Variants in SLIT2 observed in about 807,000 individuals in gnomAD.
SLIT2 encodes slit guidance ligand 2, also known as slit homolog 2 protein.
In SLIT2, 41 loss-of-function variants were observed where a neutral mutation model predicts 185.7. That is an observed-to-expected ratio of 0.22 (90% CI 0.17 to 0.29). The LOEUF is 0.29. Among genes scored for constraint, SLIT2 ranks in the 10% least tolerant of loss-of-function variants. The pLI is 1.00. For missense variants in SLIT2, 1,571 were observed against 1,909.0 expected, an observed-to-expected ratio of 0.82 and a Z score of 3.30; for synonymous variants, 693 against 680.2, an observed-to-expected ratio of 1.02 and a Z score of -0.29.
intron 4 of SLIT2, among the ~76,000 whole-genome samples, chr4:20,271,467 T>C (rs1022632875): frequency 6.9e-5 from 10 of 144,078 alleles, no homozygotes; most frequent in Non-Finnish European, 1.4e-4. Context: ...TATATAATAT[T>C]TATATATAAT....
At chr4:20,345,597 G>A (rs181935913) in intron 4 of SLIT2, among the ~76,000 whole-genome samples, 6 of 139,582 alleles carry the variant, frequency 4.3e-5, no homozygotes, top group African/African-American at 8.2e-5. Flanking sequence ...GTGCAGTGGC[G>A]TGATCTTGGC....
intron 4 of SLIT2, among the ~76,000 whole-genome samples, chr4:20,372,836 T>C (rs1723709568): frequency 6.6e-6 from 1 of 152,100 alleles, no homozygotes; most frequent in Non-Finnish European, 1.5e-5. Context: ...CTTTAATTTC[T>C]CTCTTTTTAC....
Position 20,589,686 on chromosome 4 carries a change from T to C in SLIT2, c.3131T>C (p.Leu1044Pro), listed in dbSNP as rs759963154. 3.0e-5 allele frequency: 48 copies of C among 1,613,844 alleles called. 1 individual carries two copies. The South Asian group carries it at 5.2e-4, about 17-fold the overall frequency. The change falls in exon 30 of 37, where the codon CTG becomes CCG. Residue 1044 changes from leucine (L) to proline (P), a missense_variant. This residue lies in a region of SLIT2 where 1,202 missense variants were observed against 1,416.4 expected (regional missense o/e 0.85). Transcript: ENST00000504154. ...EEKLDFCAQD[L>P]NPCQHDSKCI... ...AAGCTGGACTTCTGTGCCCAGGACC[T>C]GAACCCCTGCCAGCACGATTCAAAG...
At position 20,546,108 on chromosome 4, in the gene SLIT2, C is replaced by T. The variant is rs371988827; in HGVS notation, c.2345+9C>T. On this transcript the variant is annotated intron_variant, in intron 22 of 36. Transcript: ENST00000504154. ...AAACATTTAACACTTATGTGAGTAA[C>T]ATATTGCACTTTTCTTTGACTTACT... The T allele has an allele frequency of 4.0e-6, 6 of 1,505,900 alleles. No individual in the cohort carries two copies. The highest frequency in any genetic ancestry group is 2.3e-5 in the East Asian group (1 of 42,976). 93.3% of individuals were successfully genotyped at this position (1,505,900 alleles called of 1,614,324 possible). A position where few individuals can be genotyped will look rare whatever the true frequency, so the allele number is the denominator to read the frequency against.
rs367558532 is a variant in SLIT2, at chr4:20,253,919, C to T, written c.104C>T (p.Ser35Leu). Residue 35 changes from serine (S) to leucine (L), a missense_variant, in exon 1 of 37, where the codon TCG becomes TTG. Physicochemically the swap from Ser to Leu is moderately radical, Grantham distance 145 (BLOSUM62 -2). Around this residue, in one of 3 missense-constraint regions of SLIT2, gnomAD observed 1,202 missense variants for 1,416.4 expected, o/e 0.85. Coordinates refer to ENST00000504154, the MANE Select transcript of SLIT2 (RefSeq NM_004787.4). ...PQACPAQCSCSGSTVDCHGLA... is the reference protein window; with the variant it reads ...PQACPAQCSCLGSTVDCHGLA... ...GCGTGCCCGGCGCAGTGCTCTTGCT[C>T]GGGCAGCACAGTGGACTGTCACGGG... The T allele has an allele frequency of 2.5e-6, 4 of 1,602,394 alleles. No homozygotes were observed. Among genetic ancestry groups the T allele is most frequent in the Admixed American group, 1.7e-5 (1 of 60,006 alleles).
intron 4 of SLIT2, among the ~76,000 whole-genome samples, chr4:20,378,679 G>A (rs1047803325): frequency 6.6e-6 from 1 of 152,066 alleles, no homozygotes; most frequent in African/African-American, 2.4e-5. Flanking sequence ...ATGTGATAAC[G>A]ACCACTTTGG....
intron 18 of SLIT2, among the ~76,000 whole-genome samples, chr4:20,534,584 A>G (rs942849252): frequency 1.3e-5 from 2 of 152,184 alleles, no homozygotes; most frequent in Non-Finnish European, 2.9e-5. Context: ...AAGAAAGACA[A>G]ACCAAACTCT....
intron 30 of SLIT2, 123 bp downstream of exon 30, chr4:20,589,860 G>C (rs1433393184): frequency 4.3e-6 from 2 of 463,020 alleles, no homozygotes; most frequent in African/African-American, 2.1e-5. Flanking sequence ...CTATTCACTA[G>C]TATCAGTGAC....
In SLIT2 at chr4:20,424,341, A is replaced by G. The variant is rs183685478; in HGVS notation, c.396-43411A>G. Among the ~76,000 whole-genome samples the G allele has an allele frequency of 1.1e-3, 170 of 152,254 alleles. 3 individuals carry two copies. The highest frequency in any genetic ancestry group is 8.7e-3 in the South Asian group (42 of 4,832). ...AATACCTATGGAATTCCAGAATAAA[A>G]TTCTAGTGTAGAAAAAATGTTTAAA... On this transcript the variant is annotated intron_variant, in intron 4 of 36. Coordinates refer to ENST00000504154, the MANE Select transcript of SLIT2 (RefSeq NM_004787.4).
intron 4 of SLIT2, among the ~76,000 whole-genome samples, chr4:20,306,112 T>G (rs1445610123): frequency 1.3e-5 from 2 of 151,930 alleles, no homozygotes; most frequent in Non-Finnish European, 2.9e-5. Context: ...GTGGTAAAAT[T>G]GGTTAGTGAA....
chr4:20,594,002 A>G (rs1255685053), intron 30 of SLIT2, among the ~76,000 whole-genome samples: 1 of 149,356 alleles, frequency 6.7e-6, no homozygotes, highest in African/African-American at 2.5e-5. Flanking sequence ...ACATATACAC[A>G]CACATACATA....
intron 4 of SLIT2, among the ~76,000 whole-genome samples, chr4:20,417,452 ATATATACG>A (rs1727780250): frequency 6.9e-6 from 1 of 145,524 alleles, no homozygotes; most frequent in Non-Finnish European, 1.5e-5. Flanking sequence ...ATATATATAT[ATATATACG>A]TATATATATG....
chr4:20,366,158 T>G, intron 4 of SLIT2, among the ~76,000 whole-genome samples: 1 of 152,038 alleles, frequency 6.6e-6, no homozygotes, highest in East Asian at 1.9e-4. Context: ...CCTCCCTCCC[T>G]CTCTTATTGC....
intron 4 of SLIT2, among the ~76,000 whole-genome samples, chr4:20,275,368 A>C (rs145856702): frequency 1.3e-5 from 2 of 152,178 alleles, no homozygotes; most frequent in Non-Finnish European, 1.5e-5. Flanking sequence ...AGGATCATAC[A>C]ATTTACTTTC....
At chr4:20,598,844 A>G (rs1384020844) in intron 33 of SLIT2, among the ~76,000 whole-genome samples, 1 of 152,132 alleles carries the variant, frequency 6.6e-6, no homozygotes, top group African/African-American at 2.4e-5. Context: ...TTTCCTCCCA[A>G]CAATCTCCTG....
intron 18 of SLIT2, among the ~76,000 whole-genome samples, chr4:20,539,187 A>G (rs1307746582): frequency 2.6e-5 from 4 of 152,210 alleles, no homozygotes; most frequent in African/African-American, 9.6e-5. Context: ...TTCTTCCCTC[A>G]TCATGGGATT....
chr4:20,468,938 C>T (rs1328865156), intron 5 of SLIT2, among the ~76,000 whole-genome samples: 2 of 151,358 alleles, frequency 1.3e-5, no homozygotes, highest in Non-Finnish European at 1.5e-5. Context: ...ATTTTGGCCT[C>T]TATGTGTTCT....
At chr4:20,337,253 A>T (rs191047316) in intron 4 of SLIT2, among the ~76,000 whole-genome samples, 109 of 152,284 alleles carry the variant, frequency 7.2e-4, no homozygotes, top group African/African-American at 2.5e-3. Flanking sequence ...GGCGGAAGGC[A>T]AGGAGGAGCA....
intron 26 of SLIT2, among the ~76,000 whole-genome samples, chr4:20,560,243 A>G (rs1443368515): frequency 6.6e-6 from 1 of 151,978 alleles, no homozygotes; most frequent in East Asian, 1.9e-4. Flanking sequence ...AAATATTTTT[A>G]ATTGAATGCA....
Sources: gnomAD v4.1 joint callset for allele counts (sites outside exome capture counted in the v4.1 genomes callset) on GRCh38, gnomAD v4.1.1 for gene constraint, gnomAD v4.1.1 regional missense constraint, MANE v1.5 for transcripts, NCBI Gene and HGNC (gene_info 2026-07-23, HGNC 2026-07-21) for gene names.